The following HDAC4 variants were observed in gnomAD, a reference collection of about 807,000 sequenced individuals.
HDAC4 encodes histone deacetylase 4.
HDAC4 carries 16 observed loss-of-function variants against 135.1 expected under a neutral mutation model. That is an observed-to-expected ratio of 0.12 (90% CI 0.08 to 0.18). The LOEUF is 0.18. Among genes scored for constraint, HDAC4 ranks in the 10% least tolerant of loss-of-function variants. HDAC4 has a pLI of 1.00. For synonymous variants in HDAC4, 685 were observed against 653.4 expected, an observed-to-expected ratio of 1.05 and a Z score of -0.74; for missense variants, 1,143 against 1,511.8, an observed-to-expected ratio of 0.76 and a Z score of 4.05.
At position 239,073,376 on chromosome 2, in the gene HDAC4, C is replaced by T. The variant is rs181182368; in HGVS notation, c.2751-4769G>A. Reference sequence around the variant, plus strand: ...GAATCTAGACAGGGGCAGCGAGCTTCCTGCCACGGGTCAGATAGGAGGCAC... The same window carrying T: ...GAATCTAGACAGGGGCAGCGAGCTTTCTGCCACGGGTCAGATAGGAGGCAC... On this transcript the variant is annotated intron_variant, in intron 22 of 26. Coordinates refer to ENST00000543185, the MANE Select transcript of HDAC4 (RefSeq NM_001378414.1). Among the ~76,000 whole-genome samples the T allele has an allele frequency of 3.2e-3, 491 of 152,356 alleles. 3 individuals carry two copies. The highest frequency in any genetic ancestry group is 3.9e-3 in the Non-Finnish European group (268 of 68,032).
chr2:239,265,278 T>C (rs2049651867), intron 2 of HDAC4, among the ~76,000 whole-genome samples: 1 of 152,202 alleles, frequency 6.6e-6, no homozygotes, highest in Non-Finnish European at 1.5e-5. Flanking sequence ...GCATCACAGA[T>C]GAAGTCATAA....
At chr2:239,316,599 G>A (rs1472908477) in intron 2 of HDAC4, among the ~76,000 whole-genome samples, 1 of 152,174 alleles carries the variant, frequency 6.6e-6, no homozygotes, top group South Asian at 2.1e-4. Flanking sequence ...ATGGGCCCTA[G>A]GTAAGAGAGC....
intron 2 of HDAC4, among the ~76,000 whole-genome samples, chr2:239,257,203 T>A (rs1283185626): frequency 6.6e-6 from 1 of 151,592 alleles, no homozygotes; most frequent in South Asian, 2.1e-4. Flanking sequence ...TGAATATCGA[T>A]ATTTAATAAA....
rs942203698 is a variant in HDAC4 at position 239,321,158 on chromosome 2, C to T, written c.22+31520G>A. Among the ~76,000 whole-genome samples, 10 of 152,088 alleles carry T rather than the reference C, an allele frequency of 6.6e-5. 1 individual carries two copies. The highest frequency in any genetic ancestry group is 4.1e-4 in the South Asian group (2 of 4,824). The stretch of plus-strand genomic sequence containing the variant: ...TCTTGCAGGTTCTAAAATCAAGATA[C>T]TCTAAGCTTCATAAGATTAGCTTGC... On this transcript the variant is annotated intron_variant, in intron 2 of 26. Coordinates refer to ENST00000543185, the MANE Select transcript of HDAC4 (RefSeq NM_001378414.1).
chr2:239,110,044 G>A (rs2038531324), intron 14 of HDAC4, among the ~76,000 whole-genome samples: 1 of 152,186 alleles, frequency 6.6e-6, no homozygotes. Flanking sequence ...GCACGGACAC[G>A]GGAAGATGGC....
intron 17 of HDAC4, chr2:239,094,787 C>T: frequency 3.5e-6 from 5 of 1,411,314 alleles, no homozygotes; most frequent in Non-Finnish European, 4.7e-6. Context: ...CCCAGAGCCC[C>T]AGCCACCTGC....
At position 239,051,060 on chromosome 2, in the gene HDAC4, A is replaced by G. The variant is rs2030770653; in HGVS notation, c.*2037T>C. On this transcript the variant is annotated 3_prime_UTR_variant, in exon 27 of 27. Coordinates refer to ENST00000543185, the MANE Select transcript of HDAC4 (RefSeq NM_001378414.1). ...AAACTCAAGTTAGAATTCTATCCTG[A>G]CGATGTGGTCAGAGAAGTTTAAACA... 1 of 152,722 alleles carries G rather than the reference A, an allele frequency of 6.5e-6. No homozygotes were observed. The highest frequency in any genetic ancestry group is 1.9e-4 in the East Asian group (1 of 5,184). The allele number at this position is 152,722 out of a possible 1,614,324, so 9.5% of individuals were successfully genotyped here.
chr2:239,244,303 G>A (rs917469879), intron 2 of HDAC4, among the ~76,000 whole-genome samples: 4 of 152,186 alleles, frequency 2.6e-5, no homozygotes, highest in African/African-American at 9.6e-5. Flanking sequence ...GGGAGGATTG[G>A]CCATGAGGAA....
At chr2:239,186,494 A>G (rs1263428103) in intron 4 of HDAC4, 1 of 152,270 alleles carries the variant, frequency 6.6e-6, no homozygotes, top group Admixed American at 6.5e-5. Flanking sequence ...GAAGAAATAA[A>G]TGATTAAAAT....
At chr2:239,392,761 G>A (rs1425576969) in intron 1 of HDAC4, among the ~76,000 whole-genome samples, 1 of 152,222 alleles carries the variant, frequency 6.6e-6, no homozygotes, top group Non-Finnish European at 1.5e-5. Flanking sequence ...GGAGGACTGA[G>A]GCTCAGGGGC....
intron 4 of HDAC4, among the ~76,000 whole-genome samples, chr2:239,188,909 A>T (rs981044899): frequency 6.6e-6 from 1 of 152,224 alleles, no homozygotes; most frequent in Non-Finnish European, 1.5e-5. Context: ...AGTCCAGTCA[A>T]CCCTGCAGAT....
chr2:239,104,517 A>G lies in HDAC4; in HGVS notation c.2113-1621T>C, dbSNP rs571310380. Among the ~76,000 whole-genome samples the G allele has an allele frequency of 4.6e-5, 7 of 152,352 alleles. No homozygotes were observed. The South Asian group carries it at 1.4e-3, about 32-fold the overall frequency. On this transcript the variant is annotated intron_variant, in intron 15 of 26. Coordinates refer to ENST00000543185, the MANE Select transcript of HDAC4 (RefSeq NM_001378414.1). ...AGTGCTGGTATTACAGGAGTGAGCC[A>G]CCGCACCTGGCCAGGGCTTCTCATT...
chr2:239,245,206 C>T lies in HDAC4; in HGVS notation c.23-8542G>A, dbSNP rs949004927. Among the ~76,000 whole-genome samples the T allele has an allele frequency of 1.3e-5, 2 of 152,160 alleles. No individual in the cohort carries two copies. The highest frequency in any genetic ancestry group is 2.9e-5 in the Non-Finnish European group (2 of 68,030). ...CCTAAGAAGTATTCCTGTTGTCTCTCCACTAAGAATCAAAACTAGCTGTAG... is the reference window on the plus strand; with the variant it reads ...CCTAAGAAGTATTCCTGTTGTCTCTTCACTAAGAATCAAAACTAGCTGTAG... On this transcript the variant is annotated intron_variant, in intron 2 of 26. Transcript: ENST00000543185. The surrounding 1 kb of genome is among the most constrained non-coding windows in gnomAD (Gnocchi z 4.4).
At chr2:239,397,536 A>G (rs1696646914) in intron 1 of HDAC4, among the ~76,000 whole-genome samples, 1 of 152,156 alleles carries the variant, frequency 6.6e-6, no homozygotes, top group Admixed American at 6.5e-5. Flanking sequence ...TGTGTCAGCA[A>G]GGCCACAGCA....
chr2:239,184,381 G>T (rs1266940791), intron 4 of HDAC4, among the ~76,000 whole-genome samples: 1 of 147,452 alleles, frequency 6.8e-6, no homozygotes, highest in Non-Finnish European at 1.5e-5. Flanking sequence ...ATGAGGGGGG[G>T]TCCCCCAGTG....
intron 1 of HDAC4, among the ~76,000 whole-genome samples, chr2:239,378,173 TGGACCCTGA>T (rs1349340475): frequency 1.3e-5 from 2 of 152,018 alleles, no homozygotes; most frequent in Non-Finnish European, 2.9e-5. Context: ...AGACACCTCT[TGGACCCTGA>T]GGCGTCTGTC....
At chr2:239,350,976 C>T (rs1322400646) in intron 2 of HDAC4, among the ~76,000 whole-genome samples, 3 of 152,140 alleles carry the variant, frequency 2.0e-5, no homozygotes, top group African/African-American at 4.8e-5. Context: ...TGTACTCAAA[C>T]AATAATTTTC....
At chr2:239,288,950 GC>G (rs2051300728) in intron 2 of HDAC4, among the ~76,000 whole-genome samples, 1 of 152,214 alleles carries the variant, frequency 6.6e-6, no homozygotes. Flanking sequence ...ACAAGTCACA[GC>G]TTAGGAGGAG....
In HDAC4 at chr2:239,052,624, A is replaced by G. The variant is rs2031037024; in HGVS notation, c.*473T>C. On this transcript the variant is annotated 3_prime_UTR_variant, in exon 27 of 27. Transcript: ENST00000543185. Reference sequence around the variant, plus strand: ...CGTCCTCTTTAAAAAAAAATAAGCTACAAGATGAGTCGAGTGGTTTACACA... The same window carrying G: ...CGTCCTCTTTAAAAAAAAATAAGCTGCAAGATGAGTCGAGTGGTTTACACA... 1 of 172,422 alleles carries G rather than the reference A, an allele frequency of 5.8e-6. No individual in the cohort carries two copies. Among genetic ancestry groups the G allele is most frequent in the Non-Finnish European group, 1.3e-5 (1 of 78,756 alleles). The allele number at this position is 172,422 out of a possible 1,614,324, so 10.7% of individuals were successfully genotyped here.
Sources: allele counts gnomAD v4.1 joint callset (sites outside exome capture counted in the v4.1 genomes callset), GRCh38; gene constraint gnomAD v4.1.1; non-coding constraint Gnocchi (gnomAD v3.1); transcripts MANE v1.5; gene names NCBI Gene and HGNC (gene_info 2026-07-23, HGNC 2026-07-21).